The following PDZD7 variants were observed in gnomAD, a reference collection of about 807,000 sequenced individuals.
PDZD7 encodes PDZ domain-containing protein 7.
In PDZD7, 72 loss-of-function variants were observed where a neutral mutation model predicts 84.7. The ratio of observed to expected loss-of-function variants is 0.85; its 90% CI spans 0.70 to 1.03. The LOEUF (loss-of-function observed/expected upper bound fraction) is 1.03. Ranked by LOEUF, PDZD7 falls within the 50% of genes least tolerant of loss-of-function variation. PDZD7 has a pLI of 0.00. For synonymous variants in PDZD7, 594 were observed against 580.7 expected (o/e 1.02, Z -0.33); for missense variants, 1,490 against 1,412.9 (o/e 1.05, Z -0.87).
At position 101,017,833 on chromosome 10, in the gene PDZD7, AGG is replaced by A. The variant is rs368543701; in HGVS notation, c.1522+264_1522+265del. On this transcript the variant is annotated intron_variant, in intron 9 of 16. Coordinates refer to ENST00000619208, the MANE Select transcript of PDZD7 (RefSeq NM_001195263.2). ...AGAAAGAAAGGAAAGAAAGGAAGGA[AGG>A]AAGGAAAGAAAGAAAGAAAGAAAGA... is the stretch of plus-strand genomic sequence containing the variant. The A allele has an allele frequency of 3.1e-3, 1,242 of 404,174 alleles. 5 individuals carry two copies. Among genetic ancestry groups the A allele is most frequent in the African/African-American group, 4.0e-3 (109 of 26,958 alleles). The allele number at this position is 404,174 out of a possible 1,614,324, so 25.0% of individuals were successfully genotyped here.
chr10:101,023,860 TC>T, intron 3 of PDZD7, 67 bp downstream of exon 3: 2 of 1,611,268 alleles, frequency 1.2e-6, no homozygotes, highest in Non-Finnish European at 1.7e-6. Flanking sequence ...GACAGCAGCA[TC>T]CCCTGCCATT....
intron 4 of PDZD7, 113 bp downstream of exon 4, chr10:101,023,323 G>C: frequency 7.4e-7 from 1 of 1,342,998 alleles, no homozygotes; most frequent in Non-Finnish European, 1.1e-6. Context: ...TGCGTTTCCT[G>C]AGCCAGCGAG....
chr10:101,018,385 G>GGGAGAGGAGAGGGC, intron 8 of PDZD7, 89 bp from the exon 9 acceptor site: 2 of 1,424,708 alleles, frequency 1.4e-6, no homozygotes, highest in Non-Finnish European at 2.0e-6. Context: ...ACAGAGAGAA[G>GGGAGAGGAGAGGGC]GGAGAGGAGA....
chr10:101,009,693 C>T (rs1437989370), intron 15 of PDZD7, among the ~76,000 whole-genome samples: 3 of 150,558 alleles, frequency 2.0e-5, no homozygotes, highest in South Asian at 2.1e-4. Context: ...CCGCAACCTC[C>T]GCCTCCCGGG....
chr10:101,023,067 C>T (rs909559151), intron 4 of PDZD7: 17 of 264,472 alleles, frequency 6.4e-5, no homozygotes, highest in South Asian at 2.0e-4. Context: ...CCACCATGCC[C>T]GGCTTTTTTT....
At chr10:101,019,386 G>A (rs1004613406) in intron 7 of PDZD7, among the ~76,000 whole-genome samples, 169 bp from the exon 8 acceptor site, 13 of 152,180 alleles carry the variant, frequency 8.5e-5, no homozygotes, top group Non-Finnish European at 1.3e-4. Context: ...CTGACCTAAG[G>A]CATGTCACTT....
At chr10:101,012,395 T>A in intron 11 of PDZD7, 137 bp from the exon 12 acceptor site, 1 of 740,000 alleles carries the variant, frequency 1.4e-6, no homozygotes, top group Non-Finnish European at 2.3e-6. Flanking sequence ...AAAGGTTCAC[T>A]CCACCCCCAG....
intron 2 of PDZD7, among the ~76,000 whole-genome samples, chr10:101,026,789 G>C (rs576860972): frequency 2.6e-5 from 4 of 151,774 alleles, no homozygotes; most frequent in South Asian, 2.1e-4. Context: ...AGGGCAGCCT[G>C]GGGGGAGGGG....
At position 101,021,937 on chromosome 10, in the gene PDZD7, T is replaced by C. The variant is rs775052781; in HGVS notation, c.728A>G (p.His243Arg). ...GCCATTCTCCTCGGCCAGCCCACCA[T>C]GGTCCACTCTGAGGCCAGACAGGCG... is the stretch of plus-strand genomic sequence containing the variant. ...GLGIYVSKVD[H>R]GGLAEENGIK... The change falls in exon 6 of 17, where the codon CAT becomes CGT. Residue 243 changes from histidine to arginine, a missense_variant. His to Arg is a conservative substitution (Grantham distance 29, BLOSUM62 0). Transcript: ENST00000619208. 1.2e-5 allele frequency: 19 copies of C among 1,614,140 alleles called. No individual in the cohort carries two copies. The East Asian group carries it at 4.2e-4, about 36-fold the overall frequency.
intron 2 of PDZD7, among the ~76,000 whole-genome samples, chr10:101,025,180 C>T (rs2134114643): frequency 6.6e-6 from 1 of 152,332 alleles, no homozygotes; most frequent in South Asian, 2.1e-4. Context: ...CTTTCTAAAA[C>T]ATTCTGCTGT....
Position 101,010,489 on chromosome 10 carries a change from C to T in PDZD7, c.2400G>A (p.Val800=). The change falls in exon 15 of 17, where the codon GTG becomes GTA. Residue 800 remains valine, a synonymous_variant. Coordinates refer to ENST00000619208, the MANE Select transcript of PDZD7 (RefSeq NM_001195263.2). ...KSPGRRSPSP[V]PTPAPSMTNG... Reference sequence around the variant, plus strand: ...TGGTCATGCTGGGGGCAGGGGTAGGCACCGGGGATGGGGAGCGTCTACCTG... The same window carrying T: ...TGGTCATGCTGGGGGCAGGGGTAGGTACCGGGGATGGGGAGCGTCTACCTG... 4 of 1,534,754 alleles carry T rather than the reference C, an allele frequency of 2.6e-6. No individual in the cohort carries two copies. The highest frequency in any genetic ancestry group is 3.5e-6 in the Non-Finnish European group (4 of 1,145,872).
At chr10:101,020,426 C>T (rs931654449) in intron 7 of PDZD7, among the ~76,000 whole-genome samples, 192 bp downstream of exon 7, 5 of 152,072 alleles carry the variant, frequency 3.3e-5, no homozygotes, top group Admixed American at 2.0e-4. Flanking sequence ...TTTGTAGAGA[C>T]GAGGTCTACC....
At chr10:101,022,044 G>A in intron 5 of PDZD7, 99 bp from the exon 6 acceptor site, 1 of 1,567,568 alleles carries the variant, frequency 6.4e-7, no homozygotes, top group Non-Finnish European at 8.7e-7. Flanking sequence ...CACCAGTCAA[G>A]GTCCTTGACC....
At position 101,011,951 on chromosome 10, in the gene PDZD7, G is replaced by T; in HGVS notation, c.1907C>A (p.Ala636Asp). 2 of 1,550,386 alleles carry T rather than the reference G, an allele frequency of 1.3e-6. No homozygotes were observed. The highest frequency in any genetic ancestry group is 1.7e-6 in the Non-Finnish European group (2 of 1,146,968). The change falls in exon 13 of 17, where the codon GCT becomes GAT. Residue 636 changes from alanine to aspartate, a missense_variant. Transcript: ENST00000619208. ...TGCCCTGCTCTTGAGGGCCTCAAAA[G>T]CCTCCAGCTCCACAAGCATCACCAT... ...DSMVMLVELE[A>D]FEALKSRAVR...
In PDZD7 at chr10:101,015,827, C is replaced by A. The variant is rs1852595751; in HGVS notation, c.1574-16G>T. On this transcript the variant is annotated splice_polypyrimidine_tract_variant and intron_variant, in intron 10 of 16. Transcript: ENST00000619208. ...CTCTCCTGGTCTGCAGGGCAGGAACCATCAGGGGAGGGGAGAGGGGCTTCC... is the reference window on the plus strand; with the variant it reads ...CTCTCCTGGTCTGCAGGGCAGGAACAATCAGGGGAGGGGAGAGGGGCTTCC... 1.3e-6 allele frequency: 2 copies of A among 1,541,454 alleles called. No homozygotes were observed. The highest frequency in any genetic ancestry group is 1.2e-5 in the South Asian group (1 of 83,656).
intron 6 of PDZD7, 92 bp downstream of exon 6, chr10:101,021,706 G>A (rs1388407376): frequency 1.6e-5 from 25 of 1,569,990 alleles, no homozygotes; most frequent in African/African-American, 4.1e-5. Context: ...CTGTGGGAAC[G>A]TCATAAATTG....
chr10:101,012,756 T>C (rs1294898591), intron 11 of PDZD7, among the ~76,000 whole-genome samples: 1 of 152,238 alleles, frequency 6.6e-6, no homozygotes, highest in Admixed American at 6.5e-5. Flanking sequence ...GGAAGGAATT[T>C]GAGCCAAACT....
In PDZD7 at chr10:101,011,492, A is replaced by G. The variant is rs1383030871; in HGVS notation, c.2005+198T>C. 7.1e-5 allele frequency: 100 copies of G among 1,402,752 alleles called. No homozygotes were observed. In the East Asian group the frequency reaches 1.9e-3, roughly 27 times the overall value. 86.9% of individuals were successfully genotyped at this position (1,402,752 alleles called of 1,614,324 possible). A position where few individuals can be genotyped will look rare whatever the true frequency, so the allele number is the denominator to read the frequency against. On this transcript the variant is annotated intron_variant, in intron 14 of 16. Coordinates refer to ENST00000619208, the MANE Select transcript of PDZD7 (RefSeq NM_001195263.2). ...TTAAAAGTGAGTGGGTTTCAAACCA[A>G]CTATTAAGTAATAGTACAGGTGGTG... is the stretch of plus-strand genomic sequence containing the variant.
rs573879477 is a variant in PDZD7, at chr10:101,023,594, G to A, written c.384C>T (p.Cys128=). The A allele has an allele frequency of 3.5e-5, 57 of 1,612,442 alleles. No individual in the cohort carries two copies. The highest frequency in any genetic ancestry group is 6.7e-5 in the East Asian group (3 of 44,854). ...TCACCTCCGTGATCTTGTCCCCCACGCACAGGCCAGCCCGCTCTGCACCAC... is the reference window on the plus strand; with the variant it reads ...TCACCTCCGTGATCTTGTCCCCCACACACAGGCCAGCCCGCTCTGCACCAC... ...EGSSAERAGL[C]VGDKITEVNG... is the part of the protein sequence containing the mutation. The change falls in exon 4 of 17, where the codon TGC becomes TGT. Residue 128 remains cysteine, a synonymous_variant. Coordinates refer to ENST00000619208, the MANE Select transcript of PDZD7 (RefSeq NM_001195263.2).
Sources: allele counts gnomAD v4.1 joint callset (sites outside exome capture counted in the v4.1 genomes callset), GRCh38; gene constraint gnomAD v4.1.1; transcripts MANE v1.5; gene names NCBI Gene and HGNC (gene_info 2026-07-23, HGNC 2026-07-21).